Variants in TTC6 observed in about 807,000 individuals in gnomAD.
TTC6 encodes the protein tetratricopeptide repeat domain 6.
TTC6 carries 172 observed loss-of-function variants against 210.4 expected under a neutral mutation model. The ratio of observed to expected loss-of-function variants is 0.82; its 90% CI spans 0.72 to 0.93. The LOEUF (loss-of-function observed/expected upper bound fraction) is 0.93, where lower values mean the gene tolerates loss of function less well. Among genes scored for constraint, TTC6 ranks in the 40% least tolerant of loss-of-function variants. The pLI is 0.00. For synonymous variants in TTC6, 804 were observed against 819.6 expected (o/e 0.98, Z 0.32); for missense variants, 2,414 against 2,318.1 (o/e 1.04, Z -0.85).
chr14:37,663,224 A>G (rs1446280406), intron 1 of TTC6, among the ~76,000 whole-genome samples: 1 of 151,948 alleles, frequency 6.6e-6, no homozygotes, highest in Non-Finnish European at 1.5e-5. Flanking sequence ...ATTTTTGTAC[A>G]TTCCTGGTGA....
At chr14:37,670,392 G>A (rs1446242086) in intron 1 of TTC6, among the ~76,000 whole-genome samples, 1 of 151,240 alleles carries the variant, frequency 6.6e-6, no homozygotes, top group Non-Finnish European at 1.5e-5. Flanking sequence ...GGACAAAGGA[G>A]GGCATATTAA....
At chr14:37,664,757 C>G (rs1256968622) in intron 1 of TTC6, among the ~76,000 whole-genome samples, 1 of 150,318 alleles carries the variant, frequency 6.7e-6, no homozygotes, top group African/African-American at 2.4e-5. Flanking sequence ...ATCCATCTGA[C>G]AAAAGTCCAA....
At chr14:37,814,653 A>C (rs1434979586) in intron 25 of TTC6, among the ~76,000 whole-genome samples, 2 of 152,296 alleles carry the variant, frequency 1.3e-5, no homozygotes, top group South Asian at 2.1e-4. Flanking sequence ...ACACATTTTA[A>C]ATATAGTGAT....
At chr14:37,705,923 C>T (rs1164659541) in intron 5 of TTC6, among the ~76,000 whole-genome samples, 3 of 152,064 alleles carry the variant, frequency 2.0e-5, no homozygotes, top group Non-Finnish European at 2.9e-5. Flanking sequence ...CGCAGACTAG[C>T]GGCATCACCA....
At chr14:37,693,458 A>G (rs1249842669) in intron 3 of TTC6, among the ~76,000 whole-genome samples, 1 of 152,190 alleles carries the variant, frequency 6.6e-6, no homozygotes, top group African/African-American at 2.4e-5. Context: ...CATTCTACAG[A>G]TTCAATGCAA....
At chr14:37,768,560 G>A (rs2096006874) in intron 14 of TTC6, among the ~76,000 whole-genome samples, 1 of 152,040 alleles carries the variant, frequency 6.6e-6, no homozygotes, top group African/African-American at 2.4e-5. Flanking sequence ...TCTCCTTGAA[G>A]CAATTGTGAA....
intron 2 of TTC6, among the ~76,000 whole-genome samples, chr14:37,614,443 C>G (rs2095639352): frequency 6.6e-6 from 1 of 152,156 alleles, no homozygotes; most frequent in East Asian, 1.9e-4. Context: ...CATCCCACAA[C>G]ACAATATCAT....
At chr14:37,667,191 C>T (rs1378029286) in intron 1 of TTC6, among the ~76,000 whole-genome samples, 1 of 150,028 alleles carries the variant, frequency 6.7e-6, no homozygotes, top group African/African-American at 2.4e-5. Context: ...GTAAGTCAGC[C>T]CTGCTTGGGA....
intron 1 of TTC6, among the ~76,000 whole-genome samples, chr14:37,630,846 G>A (rs2095668071): frequency 8.5e-6 from 1 of 117,682 alleles, no homozygotes; most frequent in Admixed American, 9.6e-5. Flanking sequence ...GCCCTTCTTT[G>A]TCTTTTTTGA....
At chr14:37,769,732 GT>G in intron 14 of TTC6, among the ~76,000 whole-genome samples, 1 of 150,496 alleles carries the variant, frequency 6.6e-6, no homozygotes, top group South Asian at 2.1e-4. Context: ...TATCAATTTT[GT>G]TGATCCTTTC....
At chr14:37,622,078 C>G (rs2095651962) in exon 1 of TTC6, 1 of 1,528,106 alleles carries the variant, frequency 6.5e-7, no homozygotes, top group Non-Finnish European at 8.8e-7. Context: ...TCCACAATCC[C>G]GAGACACTTT....
intron 1 of TTC6, among the ~76,000 whole-genome samples, chr14:37,643,976 A>G (rs947983069): frequency 6.6e-6 from 1 of 152,178 alleles, no homozygotes; most frequent in Non-Finnish European, 1.5e-5. Flanking sequence ...TTTATGCATG[A>G]CTGTTCTGTT....
At position 37,787,467 on chromosome 14, in the gene TTC6, G is replaced by C. The variant is rs1240756718; in HGVS notation, c.3267-1G>C. ...TGTTAAAACAAACTTTTTTTTCCTA[G>C]GACATACCGAGGGATTGCATATGTT... On this transcript the variant is annotated splice_acceptor_variant, in intron 14 of 30. Transcript: ENST00000553443. LOFTEE classifies it high-confidence loss of function. The C allele has an allele frequency of 6.6e-7, 1 of 1,507,128 alleles. No homozygotes were observed. Among genetic ancestry groups the C allele is most frequent in the African/African-American group, 1.4e-5 (1 of 72,324 alleles). The allele number at this position is 1,507,128 out of a possible 1,614,324, so 93.4% of individuals were successfully genotyped here. A position where few individuals can be genotyped will look rare whatever the true frequency, so the allele number is the denominator to read the frequency against.
chr14:37,839,154 A>G (rs1172435683), intron 29 of TTC6, among the ~76,000 whole-genome samples: 2 of 152,198 alleles, frequency 1.3e-5, no homozygotes. Context: ...TCCTTTGGGT[A>G]TATACCCAGT....
At chr14:37,616,212 T>A (rs2095642413) in intron 2 of TTC6, among the ~76,000 whole-genome samples, 1 of 152,222 alleles carries the variant, frequency 6.6e-6, no homozygotes, top group Admixed American at 6.5e-5. Context: ...GATTATCTTC[T>A]CTGGGTCTCT....
intron 10 of TTC6, among the ~76,000 whole-genome samples, chr14:37,746,800 T>G (rs1226071594): frequency 1.3e-5 from 2 of 152,144 alleles, no homozygotes; most frequent in East Asian, 3.9e-4. Context: ...TGAAAGAAAC[T>G]TATGCAGGAG....
Position 37,828,678 on chromosome 14 carries a change from A to C in TTC6, c.5298+1312A>C, listed in dbSNP as rs76556390. The stretch of plus-strand genomic sequence containing the variant: ...ATGGAAGGACATTTATATTTTCTAC[A>C]TTCTGGAATTTATTGAGTTTTAATG... On this transcript the variant is annotated intron_variant, in intron 29 of 30. Coordinates refer to ENST00000553443, the Ensembl canonical transcript of TTC6. Among the ~76,000 whole-genome samples, 607 of 152,158 alleles carry C rather than the reference A, an allele frequency of 4.0e-3. 8 individuals are homozygous for C. The highest frequency in any genetic ancestry group is 0.014 in the African/African-American group (591 of 41,538).
At chr14:37,698,538 C>G in intron 4 of TTC6, among the ~76,000 whole-genome samples, 1 of 152,088 alleles carries the variant, frequency 6.6e-6, no homozygotes, top group East Asian at 1.9e-4. Context: ...GCCCAGAGTA[C>G]CTGGGAGTCC....
intron 8 of TTC6, among the ~76,000 whole-genome samples, chr14:37,736,548 A>G (rs929016807): frequency 5.9e-5 from 9 of 152,136 alleles, no homozygotes; most frequent in Admixed American, 3.9e-4. Context: ...ATTCTTGTGT[A>G]GGTCTTCAAT....
Sources: gnomAD v4.1 joint callset for allele counts (sites outside exome capture counted in the v4.1 genomes callset) on GRCh38, gnomAD v4.1.1 for gene constraint, MANE v1.5 for transcripts, NCBI Gene and HGNC (gene_info 2026-07-23, HGNC 2026-07-21) for gene names.